Variants in IQUB observed in about 807,000 individuals in gnomAD.
The protein encoded by IQUB is IQ motif and ubiquitin-like domain-containing protein.
A neutral mutation model predicts 86.4 loss-of-function variants in IQUB; 86 were observed. The ratio of observed to expected loss-of-function variants is 1.00; its 90% confidence interval spans 0.84 to 1.19. The LOEUF is 1.19. Ranked by LOEUF, IQUB falls within the 50% of genes most tolerant of loss-of-function variation. IQUB has a pLI of 0.00. For missense variants in IQUB, 946 were observed against 916.9 expected, an observed-to-expected ratio of 1.03 and a Z score of -0.41; for synonymous variants, 289 against 304.5, an observed-to-expected ratio of 0.95 and a Z score of 0.53.
chr7:123,529,645 G>C (rs1339222081), intron 1 of IQUB, among the ~76,000 whole-genome samples: 1 of 145,452 alleles, frequency 6.9e-6, no homozygotes, highest in African/African-American at 2.5e-5. Flanking sequence ...CCAGCGCTTT[G>C]GGAGTCTAAA....
chr7:123,496,754 G>A lies in IQUB; in HGVS notation c.1176C>T (p.His392=). The A allele has an allele frequency of 2.5e-6, 4 of 1,611,222 alleles. No individual in the cohort carries two copies. Among genetic ancestry groups the A allele is most frequent in the Non-Finnish European group, 3.4e-6 (4 of 1,178,180 alleles). The change falls in exon 7 of 13, where the codon CAC becomes CAT. Residue 392 remains histidine (H), a synonymous_variant. Transcript: ENST00000324698. The stretch of plus-strand genomic sequence containing the variant: ...CATTTGTTTTAGGATTATGCCTCCG[G>A]TGATAGTCCAATTTTATCCATTCTT... The part of the protein sequence containing the change: ...EKEEWIKLDY[H]RRHNPKTNED...
At chr7:123,532,925 G>GGGGGC (rs1797609172) in intron 1 of IQUB, 1 of 152,348 alleles carries the variant, frequency 6.6e-6, no homozygotes, top group Non-Finnish European at 1.5e-5. Flanking sequence ...GGCTGCGGCT[G>GGGGGC]GGGGCGGAGG....
At chr7:123,526,470 T>C (rs1797213569) in intron 1 of IQUB, among the ~76,000 whole-genome samples, 1 of 152,196 alleles carries the variant, frequency 6.6e-6, no homozygotes, top group Non-Finnish European at 1.5e-5. Flanking sequence ...CTTTGTATCT[T>C]TTGATCTTTG....
At position 123,452,925 on chromosome 7, in the gene IQUB, C is replaced by T. The variant is rs746826386; in HGVS notation, c.2194G>A (p.Gly732Arg). 11 of 1,597,536 alleles carry T rather than the reference C, an allele frequency of 6.9e-6. No homozygotes were observed. The highest frequency in any genetic ancestry group is 2.2e-5 in the East Asian group (1 of 44,636). Residue 732 changes from glycine to arginine, a missense_variant and splice_region_variant, in exon 13 of 13, where the codon GGA becomes AGA. Transcript: ENST00000324698. ...TTGTGAATAAATGAGCGTTCATATC[C>T]CTGCAAAGAAAAAAATCAAATTCTA... ...AHLKLTSIEE[G>R]YERSFIHKIK...
intron 1 of IQUB, among the ~76,000 whole-genome samples, chr7:123,526,608 G>A (rs1275210158): frequency 6.6e-6 from 1 of 150,802 alleles, no homozygotes; most frequent in Non-Finnish European, 1.5e-5. Flanking sequence ...ACGTGAGATG[G>A]GTTTCCTGAA....
Position 123,452,679 on chromosome 7 carries a change from C to T in IQUB, c.*64G>A, listed in dbSNP as rs1271548091. The T allele has an allele frequency of 2.9e-6, 3 of 1,049,066 alleles. No individual in the cohort carries two copies. In the African/African-American group the frequency reaches 4.8e-5, roughly 17 times the overall value. The allele number at this position is 1,049,066 out of a possible 1,614,324, so 65.0% of individuals were successfully genotyped here. Reference sequence around the variant, plus strand: ...TAAATTCCATTTCCATACTCTGTGACCTCTGTATTACCCTATTAGCAGTGA... The same window carrying T: ...TAAATTCCATTTCCATACTCTGTGATCTCTGTATTACCCTATTAGCAGTGA... On this transcript the variant is annotated 3_prime_UTR_variant, in exon 13 of 13. Coordinates refer to ENST00000324698, the MANE Select transcript of IQUB (RefSeq NM_178827.5).
At chr7:123,463,035 C>T (rs1794075065) in intron 10 of IQUB, among the ~76,000 whole-genome samples, 1 of 151,602 alleles carries the variant, frequency 6.6e-6, no homozygotes, top group African/African-American at 2.4e-5. Flanking sequence ...CTTTTTAAAG[C>T]CAGTAACTTT....
At chr7:123,530,825 C>T (rs1457561635) in intron 1 of IQUB, among the ~76,000 whole-genome samples, 1 of 151,892 alleles carries the variant, frequency 6.6e-6, no homozygotes, top group Non-Finnish European at 1.5e-5. Flanking sequence ...TATAGGCACC[C>T]CCCACCATGC....
At chr7:123,528,778 C>T (rs1160472180) in intron 1 of IQUB, among the ~76,000 whole-genome samples, 1 of 152,152 alleles carries the variant, frequency 6.6e-6, no homozygotes, top group East Asian at 1.9e-4. Flanking sequence ...TCTTAAGTGA[C>T]AAACATGACT....
chr7:123,457,673 T>A, intron 11 of IQUB, 107 bp from the exon 12 acceptor site: 12 of 841,700 alleles, frequency 1.4e-5, no homozygotes, highest in Non-Finnish European at 2.2e-5. Flanking sequence ...AGTGAATTAT[T>A]ATTCACTAGG....
At chr7:123,528,092 T>G (rs1017079497) in intron 1 of IQUB, among the ~76,000 whole-genome samples, 1 of 152,214 alleles carries the variant, frequency 6.6e-6, no homozygotes, top group Admixed American at 6.5e-5. Flanking sequence ...GTGCCGTCTG[T>G]CACCACTTTC....
At chr7:123,461,700 T>C in intron 10 of IQUB, 95 bp from the exon 11 acceptor site, 1 of 1,095,832 alleles carries the variant, frequency 9.1e-7, no homozygotes, top group Non-Finnish European at 1.2e-6. Flanking sequence ...GCTAACTTAC[T>C]TATCTTAGAA....
intron 10 of IQUB, among the ~76,000 whole-genome samples, chr7:123,462,461 T>C (rs1345435438): frequency 6.6e-6 from 1 of 151,806 alleles, no homozygotes; most frequent in Admixed American, 6.6e-5. Flanking sequence ...CACCTTCCCC[T>C]CTACTCTGCG....
chr7:123,504,311 G>A (rs768088921), intron 3 of IQUB, among the ~76,000 whole-genome samples: 21 of 152,062 alleles, frequency 1.4e-4, no homozygotes, highest in African/African-American at 4.3e-4. Flanking sequence ...GAGCCAGGCC[G>A]TGGTGGCATA....
chr7:123,527,855 TC>T (rs1166717118), intron 1 of IQUB, among the ~76,000 whole-genome samples: 4 of 152,216 alleles, frequency 2.6e-5, no homozygotes, highest in Non-Finnish European at 4.4e-5. Flanking sequence ...AGTTGGAGCT[TC>T]CCAGCTGCTT....
Position 123,503,280 on chromosome 7 carries a change from T to G in IQUB, c.616A>C (p.Asn206His). The G allele has an allele frequency of 6.2e-7, 1 of 1,606,668 alleles. No individual in the cohort carries two copies. Among genetic ancestry groups the G allele is most frequent in the African/African-American group, 1.3e-5 (1 of 74,912 alleles). The change falls in exon 4 of 13, where the codon AAT (asparagine) becomes CAT (histidine). Residue 206 changes from asparagine (N) to histidine (H), a missense_variant. Coordinates refer to ENST00000324698, the MANE Select transcript of IQUB (RefSeq NM_178827.5). ...EIVQVEIFST[N>H]PDLYPVRRID... ...CTTCTGACTGGATACAGATCTGGATTTGTAGAAAAGATTTCCACTTGTACA... is the reference window on the plus strand; with the variant it reads ...CTTCTGACTGGATACAGATCTGGATGTGTAGAAAAGATTTCCACTTGTACA...
intron 8 of IQUB, among the ~76,000 whole-genome samples, chr7:123,474,185 C>A (rs758685176): frequency 6.6e-6 from 1 of 152,136 alleles, no homozygotes; most frequent in Non-Finnish European, 1.5e-5. Context: ...AAATTGTATT[C>A]TCCAAAGTTA....
At chr7:123,500,873 T>A (rs952777322) in intron 6 of IQUB, among the ~76,000 whole-genome samples, 2 of 152,314 alleles carry the variant, frequency 1.3e-5, no homozygotes, top group Admixed American at 6.5e-5. Context: ...GTATTCTTTG[T>A]CCTTGTATAT....
At chr7:123,473,704 T>G (rs908193560) in intron 8 of IQUB, among the ~76,000 whole-genome samples, 1 of 151,330 alleles carries the variant, frequency 6.6e-6, no homozygotes, top group Admixed American at 6.6e-5. Context: ...GCCTCCCGAG[T>G]AGCTGGGATT....
Sources: allele counts gnomAD v4.1 joint callset (sites outside exome capture counted in the v4.1 genomes callset), GRCh38; gene constraint gnomAD v4.1.1; transcripts MANE v1.5; gene names NCBI Gene and HGNC (gene_info 2026-07-23, HGNC 2026-07-21).